The following ASH2L variants were observed in gnomAD, a reference collection of about 807,000 sequenced individuals.
ASH2L encodes the protein ASH2 like, histone lysine methyltransferase complex subunit.
ASH2L carries 30 observed loss-of-function variants against 81.1 expected under a neutral mutation model. That is an observed-to-expected ratio of 0.37 (90% CI 0.28 to 0.50). The LOEUF is 0.50. Ranked by LOEUF, ASH2L falls within the 20% of genes least tolerant of loss-of-function variation. The pLI, the probability that ASH2L is intolerant of heterozygous loss-of-function variation, is 0.95. For synonymous variants in ASH2L, 273 were observed against 279.9 expected, an observed-to-expected ratio of 0.98 and a Z score of 0.24; for missense variants, 559 against 792.1, an observed-to-expected ratio of 0.71 and a Z score of 3.53.
rs569873049 is a variant in ASH2L, at chr8:38,119,356, G to T, written c.940G>T (p.Ala314Ser). 6.5e-7 allele frequency: 1 copy of T among 1,540,290 alleles called. No homozygotes were observed. Among genetic ancestry groups the T allele is most frequent in the East Asian group, 2.5e-5 (1 of 40,222 alleles). ...AGGGACCACAGGGACCACCAAGAAG[G>T]CCCGGAGGTGGGGAGAGTGCCCACC... ...DGGTTGTTKK[A>S]RSDPLFSAQR... Residue 314 changes from alanine (A) to serine (S), a missense_variant, in exon 9 of 16, where the codon GCC becomes TCC. Physicochemically the swap from Ala to Ser is moderately conservative, Grantham distance 99 (BLOSUM62 1). Around this residue, in one of 4 missense-constraint regions of ASH2L, gnomAD observed 318 missense variants for 527.0 expected, o/e 0.60. Coordinates refer to ENST00000343823, the MANE Select transcript of ASH2L (RefSeq NM_004674.5).
At chr8:38,124,323 A>C (rs1801745276) in intron 10 of ASH2L, 1 of 148,716 alleles carries the variant, frequency 6.7e-6, no homozygotes, top group African/African-American at 2.5e-5. Flanking sequence ...TTCCCATCTT[A>C]GCCTCCCAGG....
intron 5 of ASH2L, 132 bp from the exon 6 acceptor site, chr8:38,114,060 C>A: frequency 1.7e-6 from 1 of 580,860 alleles, no homozygotes. Flanking sequence ...CCTTGTATAA[C>A]ACCGTGGGGG....
chr8:38,136,964 G>A (rs983961614), intron 14 of ASH2L, among the ~76,000 whole-genome samples: 17 of 151,476 alleles, frequency 1.1e-4, no homozygotes, highest in African/African-American at 3.6e-4. Context: ...TGATGGCCAC[G>A]CGCCTATAAT....
intron 8 of ASH2L, chr8:38,119,005 A>G (rs1042850727): frequency 6.0e-6 from 2 of 331,416 alleles, no homozygotes; most frequent in African/African-American, 2.2e-5. Context: ...GTTGCAGTTT[A>G]TTAGGAACAA....
chr8:38,120,805 G>C (rs1811113770), intron 9 of ASH2L, 127 bp from the exon 10 acceptor site: 1 of 718,300 alleles, frequency 1.4e-6, no homozygotes, highest in Non-Finnish European at 2.3e-6. Flanking sequence ...TTTGAGTAAT[G>C]AGAAGTATTT....
Position 38,105,682 on chromosome 8 carries a change from A to C in ASH2L, c.132A>C (p.Gly44=). ...CAGCGGGAGCAGCCGCTCCTCCTGG[A>C]GAGGGGATCTCTGCTGCTCCGACAG... ...PVAAGAAAPP[G]EGISAAPTVE... Residue 44 remains glycine, a synonymous_variant, in exon 1 of 16, where the codon GGA becomes GGC. Transcript: ENST00000343823. The C allele has an allele frequency of 6.3e-7, 1 of 1,586,364 alleles. No homozygotes were observed. Among genetic ancestry groups the C allele is most frequent in the Admixed American group, 1.8e-5 (1 of 55,430 alleles).
At chr8:38,127,841 T>G (rs1271053337) in intron 10 of ASH2L, among the ~76,000 whole-genome samples, 1 of 149,010 alleles carries the variant, frequency 6.7e-6, no homozygotes, top group Admixed American at 6.7e-5. Flanking sequence ...AGGTCAGGAG[T>G]TCGAGACCAG....
Position 38,120,629 on chromosome 8 carries a change from C to G in ASH2L, c.948-303C>G, listed in dbSNP as rs1166848406. Among the ~76,000 whole-genome samples, 19 of 50,524 alleles carry G rather than the reference C, an allele frequency of 3.8e-4. 4 individuals carry two copies. In the East Asian group the frequency reaches 7.3e-3, roughly 19 times the overall value. The allele number at this position is 50,524 out of a possible 152,430, so 33.1% of individuals were successfully genotyped here. A position where few individuals can be genotyped will look rare whatever the true frequency, so the allele number is the denominator to read the frequency against. On this transcript the variant is annotated intron_variant, in intron 9 of 15. Coordinates refer to ENST00000343823, the MANE Select transcript of ASH2L (RefSeq NM_004674.5). The stretch of plus-strand genomic sequence containing the variant: ...TTCCTCTCCTCCCTTCCCCCCCCCC[C>G]CCCCCCCGCATAATGTACCAGCTCA...
chr8:38,135,774 CAT>C lies in ASH2L; in HGVS notation c.1719+9_1719+10del, dbSNP rs1563263046. The C allele has an allele frequency of 6.3e-7, 1 of 1,584,976 alleles. No individual in the cohort carries two copies. Among genetic ancestry groups the C allele is most frequent in the East Asian group, 2.2e-5 (1 of 44,596 alleles). On this transcript the variant is annotated intron_variant, in intron 14 of 15. Transcript: ENST00000343823. ...CTGTACAAGAGCTGCACGGTACGTA[CAT>C]GTTTCCATCCCATGAGCAAAACTTG... is the stretch of plus-strand genomic sequence containing the variant.
intron 14 of ASH2L, chr8:38,137,938 G>A (rs1019921853): frequency 3.3e-5 from 5 of 152,130 alleles, no homozygotes; most frequent in African/African-American, 1.2e-4. Context: ...AACAGTCTGT[G>A]GTCTGTGCCT....
chr8:38,128,678 G>A, intron 11 of ASH2L, 80 bp from the exon 12 acceptor site: 1 of 1,550,942 alleles, frequency 6.4e-7, no homozygotes, highest in Non-Finnish European at 8.7e-7. Flanking sequence ...AACATAAAAA[G>A]AAATAGGATC....
At chr8:38,112,483 A>G (rs1810729483) in intron 5 of ASH2L, among the ~76,000 whole-genome samples, 1 of 151,854 alleles carries the variant, frequency 6.6e-6, no homozygotes, top group Admixed American at 6.6e-5. Flanking sequence ...AGCTGATCTT[A>G]CACTCCTAGG....
chr8:38,129,569 C>G (rs533869412), intron 12 of ASH2L, among the ~76,000 whole-genome samples: 1 of 152,148 alleles, frequency 6.6e-6, no homozygotes, highest in Non-Finnish European at 1.5e-5. Context: ...GTGATCACAC[C>G]ACTGCACTCC....
intron 14 of ASH2L, among the ~76,000 whole-genome samples, chr8:38,136,704 G>A (rs1802268627): frequency 6.6e-6 from 1 of 151,850 alleles, no homozygotes; most frequent in Admixed American, 6.6e-5. Context: ...GAACCCAGGA[G>A]GCGGAGGTTG....
chr8:38,106,941 AC>A lies in ASH2L; in HGVS notation c.256-75del, dbSNP rs552671842. 6.9e-5 allele frequency: 106 copies of A among 1,535,332 alleles called. No individual in the cohort carries two copies. In the African/African-American group the frequency reaches 1.3e-3, roughly 19 times the overall value. On this transcript the variant is annotated intron_variant, in intron 2 of 15. Coordinates refer to ENST00000343823, the MANE Select transcript of ASH2L (RefSeq NM_004674.5). ...AGACCAGCCTGGGCAACATAGGGAG[AC>A]CCCCGTCTCTTAAAAAAATAAAATA...
intron 10 of ASH2L, 31 bp downstream of exon 10, chr8:38,121,180 C>A: frequency 6.3e-7 from 1 of 1,593,066 alleles, no homozygotes; most frequent in Non-Finnish European, 8.6e-7. Flanking sequence ...CATATGGATG[C>A]AGGGTTACTT....
chr8:38,138,649 T>G (rs757246390), intron 14 of ASH2L, 167 bp from the exon 15 acceptor site: 8 of 579,298 alleles, frequency 1.4e-5, no homozygotes, highest in Non-Finnish European at 2.4e-5. Flanking sequence ...TTGATGGACA[T>G]CAGGATGTTG....
rs754816536 is a variant in ASH2L at position 38,139,011 on chromosome 8, C to T, written c.1827C>T (p.Asp609=). The change falls in exon 16 of 16, where the codon GAC becomes GAT. Residue 609 remains aspartate, a synonymous_variant. Coordinates refer to ENST00000343823, the MANE Select transcript of ASH2L (RefSeq NM_004674.5). The part of the protein sequence containing the change: ...WGAVVEHTLA[D]VLYHVETEVD... ...CCGTGGTAGAGCACACCCTGGCTGA[C>T]GTCTTGTATCACGTGGAGACAGAAG... 2.2e-5 allele frequency: 35 copies of T among 1,612,856 alleles called. No homozygotes were observed. In the East Asian group the frequency reaches 3.1e-4, roughly 14 times the overall value.
At chr8:38,129,486 C>T (rs1392307687) in intron 12 of ASH2L, among the ~76,000 whole-genome samples, 1 of 152,020 alleles carries the variant, frequency 6.6e-6, no homozygotes, top group Non-Finnish European at 1.5e-5. Flanking sequence ...AAAAAAGTGC[C>T]GATAGTCCCA....
Sources: allele counts gnomAD v4.1 joint callset (sites outside exome capture counted in the v4.1 genomes callset), GRCh38; gene constraint gnomAD v4.1.1; regional missense constraint gnomAD v4.1.1; transcripts MANE v1.5; gene names NCBI Gene and HGNC (gene_info 2026-07-23, HGNC 2026-07-21).